The following PCDH15 variants were observed in gnomAD, a reference collection of about 807,000 sequenced individuals.
PCDH15 encodes protocadherin-15.
Under a neutral mutation model 178.5 loss-of-function variants are expected in PCDH15, and 129 were observed. The observed-to-expected ratio is 0.72, with a 90% CI of 0.63 to 0.84. The LOEUF (loss-of-function observed/expected upper bound fraction) is 0.84. PCDH15 is among the 40% of genes least tolerant of loss of function. PCDH15 has a pLI of 0.00. For synonymous variants in PCDH15, 800 were observed against 732.0 expected (o/e 1.09, Z -1.50); for missense variants, 2,230 against 2,099.9 (o/e 1.06, Z -1.21).
intron 1 of PCDH15, among the ~76,000 whole-genome samples, chr10:55,173,307 TTATGTGTGTGTG>T (rs1554837611): frequency 1.6e-5 from 1 of 64,096 alleles, no homozygotes; most frequent in South Asian, 4.4e-4. Flanking sequence ...ATTAGAAAGA[TTATGTGTGTGTG>T]TGTGTGTGTG....
At chr10:54,516,491 A>C (rs1028575229) in intron 3 of PCDH15, among the ~76,000 whole-genome samples, 1 of 151,510 alleles carries the variant, frequency 6.6e-6, no homozygotes, top group Non-Finnish European at 1.5e-5. Flanking sequence ...GAAATGAAGC[A>C]AGAAGGGAAG....
intron 3 of PCDH15, among the ~76,000 whole-genome samples, chr10:54,427,748 A>G (rs1434539841): frequency 2.0e-5 from 3 of 152,206 alleles, no homozygotes; most frequent in Admixed American, 6.5e-5. Flanking sequence ...AAATTTCAGT[A>G]GACCAACTGT....
intron 2 of PCDH15, among the ~76,000 whole-genome samples, chr10:54,627,048 C>T (rs545764053): frequency 2.6e-5 from 4 of 152,280 alleles, no homozygotes; most frequent in South Asian, 4.1e-4. Context: ...CCCTTTGCTT[C>T]GGCAAATTTC....
At chr10:54,659,027 TA>T (rs796433053) in intron 2 of PCDH15, among the ~76,000 whole-genome samples, 2 of 149,940 alleles carry the variant, frequency 1.3e-5, no homozygotes, top group African/African-American at 2.4e-5. Flanking sequence ...TCAAGAAAGG[TA>T]AAAAAAAAGA....
intron 28 of PCDH15, among the ~76,000 whole-genome samples, chr10:53,856,215 T>C (rs1359431459): frequency 6.6e-6 from 1 of 151,230 alleles, no homozygotes; most frequent in Non-Finnish European, 1.5e-5. Context: ...AATTCACCAT[T>C]AAAGAATTAT....
In PCDH15 at chr10:54,584,626, T is replaced by C. The variant is rs147330425; in HGVS notation, c.92-56749A>G. On this transcript the variant is annotated intron_variant, in intron 2 of 37. Transcript: ENST00000644397. ...CTACTGCTTCAATAATTTGTTTTTC[T>C]CTTTATTCTATCTTGATTCATGTCT... is the stretch of plus-strand genomic sequence containing the variant. Among the ~76,000 whole-genome samples, 323 of 152,296 alleles carry C rather than the reference T, an allele frequency of 2.1e-3. 1 individual carries two copies. The highest frequency in any genetic ancestry group is 7.6e-3 in the African/African-American group (315 of 41,580).
chr10:55,045,785 T>C (rs893045652), intron 2 of PCDH15, among the ~76,000 whole-genome samples: 7 of 151,972 alleles, frequency 4.6e-5, no homozygotes, highest in Non-Finnish European at 1.0e-4. Flanking sequence ...GCCAGTAATG[T>C]CAATTGGTGA....
rs777727173 is a variant in PCDH15, at chr10:53,822,890, A to G, written c.4368-2660T>C. ...TACCTCTTTTGTTTGTACAGATTCC[A>G]GTGTTTTCATTTTCAGCTTTCTGCC... On this transcript the variant is annotated intron_variant, in intron 32 of 37. Transcript: ENST00000644397. The G allele has an allele frequency of 3.5e-5, 57 of 1,613,840 alleles. No individual in the cohort carries two copies. The highest frequency in any genetic ancestry group is 4.7e-5 in the Non-Finnish European group (55 of 1,179,994).
intron 2 of PCDH15, among the ~76,000 whole-genome samples, chr10:54,588,138 CTGTT>C (rs1169776883): frequency 6.6e-6 from 1 of 152,076 alleles, no homozygotes; most frequent in Admixed American, 6.6e-5. Flanking sequence ...AACTTATTAT[CTGTT>C]TGTTTAAAGT....
At chr10:54,521,542 C>T (rs1026220264) in intron 3 of PCDH15, among the ~76,000 whole-genome samples, 1 of 152,112 alleles carries the variant, frequency 6.6e-6, no homozygotes, top group Non-Finnish European at 1.5e-5. Context: ...ACTATTGAAT[C>T]TTCCCTCTTT....
At chr10:54,218,256 G>A (rs2052338420) in intron 9 of PCDH15, among the ~76,000 whole-genome samples, 2 of 151,838 alleles carry the variant, frequency 1.3e-5, no homozygotes, top group African/African-American at 2.4e-5. Context: ...AATGGATCAT[G>A]GCATTGAGCA....
chr10:55,405,877 A>C (rs1838185828), intron 2 of PCDH15, among the ~76,000 whole-genome samples: 1 of 151,638 alleles, frequency 6.6e-6, no homozygotes, highest in East Asian at 1.9e-4. Context: ...AAGCTTACAA[A>C]TGTTATGCAA....
chr10:54,311,881 T>C (rs1047503151), intron 8 of PCDH15, among the ~76,000 whole-genome samples: 1 of 152,072 alleles, frequency 6.6e-6, no homozygotes, highest in Non-Finnish European at 1.5e-5. Context: ...TCATAGTTCA[T>C]GAGATAAATT....
intron 3 of PCDH15, among the ~76,000 whole-genome samples, chr10:54,384,132 C>A (rs776335754): frequency 6.6e-6 from 1 of 151,654 alleles, no homozygotes. Context: ...CTGCATCCAG[C>A]CAAAAATATG....
intron 2 of PCDH15, among the ~76,000 whole-genome samples, chr10:55,488,096 C>A (rs940073505): frequency 6.6e-6 from 1 of 151,490 alleles, no homozygotes; most frequent in Non-Finnish European, 1.5e-5. Flanking sequence ...TAAAACACTG[C>A]CAATTTATGC....
At chr10:55,377,387 C>T (rs1041923561) in intron 2 of PCDH15, among the ~76,000 whole-genome samples, 1 of 151,614 alleles carries the variant, frequency 6.6e-6, no homozygotes, top group African/African-American at 2.4e-5. Context: ...ATAAATTATT[C>T]ATTAATTTGT....
At chr10:55,092,116 A>C (rs1241564183) in intron 2 of PCDH15, among the ~76,000 whole-genome samples, 1 of 151,928 alleles carries the variant, frequency 6.6e-6, no homozygotes, top group Non-Finnish European at 1.5e-5. Flanking sequence ...AGGTACTAAA[A>C]TTTTTATGTA....
At chr10:55,525,320 T>C (rs916786107) in intron 2 of PCDH15, among the ~76,000 whole-genome samples, 1 of 151,886 alleles carries the variant, frequency 6.6e-6, no homozygotes, top group Non-Finnish European at 1.5e-5. Context: ...TAAAAACTGC[T>C]ACAACCATCC....
chr10:54,359,394 C>A lies in PCDH15; in HGVS notation c.474+9726G>T, dbSNP rs1330801279. Among the ~76,000 whole-genome samples, 3 of 151,638 alleles carry A rather than the reference C, an allele frequency of 2.0e-5. No homozygotes were observed. In the South Asian group the frequency reaches 6.2e-4, roughly 31 times the overall value. On this transcript the variant is annotated intron_variant, in intron 5 of 37. Coordinates refer to ENST00000644397, the MANE Select transcript of PCDH15 (RefSeq NM_001384140.1). ...ATTTAAGAAGTTAACAATCAGGGAACTGTATATGGGACATATGAGAACTGT... is the reference window on the plus strand; with the variant it reads ...ATTTAAGAAGTTAACAATCAGGGAAATGTATATGGGACATATGAGAACTGT...
Sources: gnomAD v4.1 joint callset for allele counts (sites outside exome capture counted in the v4.1 genomes callset) on GRCh38, gnomAD v4.1.1 for gene constraint, MANE v1.5 for transcripts, NCBI Gene and HGNC (gene_info 2026-07-23, HGNC 2026-07-21) for gene names.